The following NDRG3 variants were observed in gnomAD, a reference collection of about 807,000 sequenced individuals.
The protein encoded by NDRG3 is protein NDRG3.
A neutral mutation model predicts 57.2 loss-of-function variants in NDRG3; 23 were observed. The ratio of observed to expected loss-of-function variants is 0.40; its 90% CI spans 0.29 to 0.57. The LOEUF (loss-of-function observed/expected upper bound fraction) is 0.57, where lower values mean the gene tolerates loss of function less well. Ranked by LOEUF, NDRG3 falls within the 20% of genes least tolerant of loss-of-function variation. The pLI is 0.42. For synonymous variants in NDRG3, 132 were observed against 162.6 expected, an observed-to-expected ratio of 0.81 and a Z score of 1.43; for missense variants, 384 against 457.3, an observed-to-expected ratio of 0.84 and a Z score of 1.46.
At chr20:36,669,933 G>A (rs2148054631) in intron 9 of NDRG3, among the ~76,000 whole-genome samples, 1 of 152,236 alleles carries the variant, frequency 6.6e-6, no homozygotes, top group Non-Finnish European at 1.5e-5. Context: ...ATGAACTGCT[G>A]CTACACAGTA....
intron 13 of NDRG3, among the ~76,000 whole-genome samples, chr20:36,657,517 A>G (rs1045683320): frequency 6.6e-6 from 1 of 152,062 alleles, no homozygotes; most frequent in Admixed American, 6.6e-5. Context: ...TACATTTCTA[A>G]TAAGATCTCA....
intron 8 of NDRG3, among the ~76,000 whole-genome samples, chr20:36,679,867 C>T (rs548115111): frequency 1.3e-5 from 2 of 150,580 alleles, no homozygotes; most frequent in South Asian, 4.2e-4. Context: ...TCTTGTTGCC[C>T]AGACTGGAGT....
At chr20:36,686,614 G>A (rs536324591) in intron 5 of NDRG3, among the ~76,000 whole-genome samples, 2 of 152,238 alleles carry the variant, frequency 1.3e-5, no homozygotes, top group East Asian at 3.9e-4. Flanking sequence ...ACCCGTCCAG[G>A]GAACAAACAG....
chr20:36,693,161 C>CAT (rs536345138), intron 3 of NDRG3, among the ~76,000 whole-genome samples: 41 of 90,304 alleles, frequency 4.5e-4, no homozygotes, highest in African/African-American at 1.3e-3. Flanking sequence ...CACATATACA[C>CAT]ATATATATAT....
intron 2 of NDRG3, among the ~76,000 whole-genome samples, chr20:36,708,770 A>C (rs1983700242): frequency 6.6e-6 from 1 of 152,096 alleles, no homozygotes; most frequent in South Asian, 2.1e-4. Context: ...GCGGTGGCTC[A>C]CGCCTGTAAT....
rs911852851 is a variant in NDRG3 at position 36,684,289 on chromosome 20, C to A, written c.383+124G>T. 6.2e-5 allele frequency: 45 copies of A among 726,432 alleles called. No homozygotes were observed. The African/African-American group carries it at 7.4e-4, about 12-fold the overall frequency. 45.0% of individuals were successfully genotyped at this position (726,432 alleles called of 1,614,324 possible). ...TTATTTGTTTGCTTACTTGTTACCC[C>A]ACTAAGCTCTAGGAGGACAGTGATA... On this transcript the variant is annotated intron_variant, in intron 6 of 15. Coordinates refer to ENST00000349004, the MANE Select transcript of NDRG3 (RefSeq NM_032013.4).
intron 2 of NDRG3, among the ~76,000 whole-genome samples, chr20:36,710,070 A>C (rs1983776009): frequency 6.6e-6 from 1 of 152,220 alleles, no homozygotes; most frequent in Non-Finnish European, 1.5e-5. Context: ...CTATAATCCT[A>C]TCACTTTGGG....
chr20:36,675,382 TG>T (rs1980587898), intron 8 of NDRG3, among the ~76,000 whole-genome samples: 1 of 142,000 alleles, frequency 7.0e-6, no homozygotes, highest in African/African-American at 2.7e-5. Flanking sequence ...CTTTTTAAGT[TG>T]TTTTTTTTTG....
At position 36,746,085 on chromosome 20, in the gene NDRG3, G is replaced by GGCGGCGGCA. The variant is rs1555809931; in HGVS notation, c.-90_-89insTGCCGCCGC. On this transcript the variant is annotated 5_prime_UTR_variant, in exon 1 of 16. Transcript: ENST00000349004. ...CCGCCGTCAGTGCAGCAGCAGCGGC[G>GGCGGCGGCA]GCGGCGGCGGCGGCGGCGGCGGCGG... is the stretch of plus-strand genomic sequence containing the variant. 1 of 22,160 alleles carries GGCGGCGGCA rather than the reference G, an allele frequency of 4.5e-5. No individual in the cohort carries two copies. Among genetic ancestry groups the GGCGGCGGCA allele is most frequent in the Non-Finnish European group, 6.8e-5 (1 of 14,682 alleles). 1.4% of individuals were successfully genotyped at this position (22,160 alleles called of 1,614,324 possible).
At chr20:36,684,807 C>T (rs997056958) in intron 5 of NDRG3, among the ~76,000 whole-genome samples, 2 of 151,664 alleles carry the variant, frequency 1.3e-5, no homozygotes, top group Non-Finnish European at 2.9e-5. Context: ...GGAGATCATG[C>T]CATTGCACTC....
intron 2 of NDRG3, among the ~76,000 whole-genome samples, chr20:36,708,703 C>A (rs995300953): frequency 1.3e-5 from 2 of 150,644 alleles, no homozygotes; most frequent in African/African-American, 4.9e-5. Flanking sequence ...TGGGATCCCA[C>A]CAACTACACT....
intron 12 of NDRG3, 22 bp from the exon 13 acceptor site, chr20:36,660,406 G>T: frequency 6.3e-7 from 1 of 1,596,618 alleles, no homozygotes; most frequent in Non-Finnish European, 8.6e-7. Context: ...AAAAAGAGAA[G>T]AAAATAATTT....
At chr20:36,705,077 T>C (rs865795782) in intron 3 of NDRG3, among the ~76,000 whole-genome samples, 1 of 151,984 alleles carries the variant, frequency 6.6e-6, no homozygotes, top group Non-Finnish European at 1.5e-5. Flanking sequence ...CCCAGCACTT[T>C]GGGAGGCTGA....
At chr20:36,687,736 G>C in intron 4 of NDRG3, 124 bp from the exon 5 acceptor site, 1 of 1,125,382 alleles carries the variant, frequency 8.9e-7, no homozygotes. Context: ...CCAAAGTGAG[G>C]TGTCTGAACA....
At chr20:36,686,697 C>T (rs939398353) in intron 5 of NDRG3, among the ~76,000 whole-genome samples, 1 of 152,214 alleles carries the variant, frequency 6.6e-6, no homozygotes, top group African/African-American at 2.4e-5. Context: ...CAATCAATCA[C>T]CCCACACCTC....
intron 12 of NDRG3, among the ~76,000 whole-genome samples, chr20:36,662,071 G>A (rs1218536181): frequency 6.6e-6 from 1 of 152,090 alleles, no homozygotes; most frequent in Non-Finnish European, 1.5e-5. Flanking sequence ...TTAGAACATA[G>A]TAGATAGACT....
intron 1 of NDRG3, among the ~76,000 whole-genome samples, chr20:36,736,346 C>G (rs953418268): frequency 1.3e-5 from 2 of 152,174 alleles, no homozygotes; most frequent in Non-Finnish European, 2.9e-5. Context: ...CTAAGAACCA[C>G]TGGTTTACAG....
At chr20:36,703,746 C>T (rs1983386820) in intron 3 of NDRG3, among the ~76,000 whole-genome samples, 3 of 152,148 alleles carry the variant, frequency 2.0e-5, no homozygotes, top group African/African-American at 7.2e-5. Flanking sequence ...GCCATAGCAC[C>T]CAGCCTTTCT....
At chr20:36,722,546 T>A (rs1353172207) in intron 1 of NDRG3, among the ~76,000 whole-genome samples, 2 of 152,194 alleles carry the variant, frequency 1.3e-5, no homozygotes, top group Non-Finnish European at 2.9e-5. Flanking sequence ...CTCAAAACTA[T>A]GCTTGGAACA....
Sources: gnomAD v4.1 joint callset for allele counts (sites outside exome capture counted in the v4.1 genomes callset) on GRCh38, gnomAD v4.1.1 for gene constraint, MANE v1.5 for transcripts, NCBI Gene and HGNC (gene_info 2026-07-23, HGNC 2026-07-21) for gene names.